The following AHI1 variants were observed in gnomAD, a reference collection of about 807,000 sequenced individuals.
AHI1 encodes the protein jouberin.
A neutral mutation model predicts 149.3 loss-of-function variants in AHI1; 123 were observed. That is an observed-to-expected ratio of 0.82 (90% CI 0.71 to 0.96). The LOEUF (loss-of-function observed/expected upper bound fraction) is 0.96, where lower values mean the gene tolerates loss of function less well. Among genes scored for constraint, AHI1 ranks in the 40% least tolerant of loss-of-function variants. The pLI, the probability that AHI1 is intolerant of heterozygous loss-of-function variation, is 0.00. For missense variants in AHI1, 1,439 were observed against 1,422.7 expected (o/e 1.01, Z -0.18); for synonymous variants, 475 against 459.8 (o/e 1.03, Z -0.42).
chr6:135,336,424 C>T (rs1452492266), intron 24 of AHI1, among the ~76,000 whole-genome samples: 2 of 151,916 alleles, frequency 1.3e-5, no homozygotes, highest in Admixed American at 6.6e-5. Flanking sequence ...ATGGTGAAAC[C>T]CTGTCTCTAC....
intron 5 of AHI1, among the ~76,000 whole-genome samples, chr6:135,476,580 T>A (rs1792685081): frequency 6.6e-6 from 1 of 152,190 alleles, no homozygotes. Context: ...GATACTAACA[T>A]ATCTAACTGT....
At chr6:135,401,728 T>C (rs1780051862) in intron 22 of AHI1, among the ~76,000 whole-genome samples, 1 of 152,088 alleles carries the variant, frequency 6.6e-6, no homozygotes, top group Non-Finnish European at 1.5e-5. Context: ...TTTAAAACTA[T>C]AAAAATCTTA....
intron 24 of AHI1, among the ~76,000 whole-genome samples, chr6:135,337,878 G>A (rs1789642435): frequency 1.3e-5 from 2 of 152,124 alleles, no homozygotes; most frequent in Admixed American, 1.3e-4. Flanking sequence ...AAATACCGAG[G>A]CTTATCTAAT....
chr6:135,456,507 T>C (rs902606107), intron 9 of AHI1, among the ~76,000 whole-genome samples: 1 of 148,542 alleles, frequency 6.7e-6, no homozygotes, highest in African/African-American at 2.5e-5. Context: ...ATTGCACCAC[T>C]GCACTCCAGC....
intron 16 of AHI1, among the ~76,000 whole-genome samples, chr6:135,431,581 T>A (rs1468896204): frequency 6.6e-6 from 1 of 152,146 alleles, no homozygotes; most frequent in Non-Finnish European, 1.5e-5. Context: ...TAAAAAGAAA[T>A]GAGCCTCTCA....
intron 5 of AHI1, among the ~76,000 whole-genome samples, chr6:135,478,287 T>C (rs943236488): frequency 7.2e-5 from 11 of 152,270 alleles, no homozygotes; most frequent in East Asian, 3.9e-4. Context: ...TAGAGACTTG[T>C]TGAATGGTTA....
chr6:135,287,564 G>C (rs2128337657), intron 28 of AHI1, among the ~76,000 whole-genome samples: 1 of 152,308 alleles, frequency 6.6e-6, no homozygotes, highest in South Asian at 2.1e-4. Flanking sequence ...TGCTGAAAGA[G>C]GGAGGAGAAG....
intron 23 of AHI1, among the ~76,000 whole-genome samples, chr6:135,363,312 C>T (rs1311350573): frequency 2.0e-5 from 3 of 151,538 alleles, no homozygotes; most frequent in Middle Eastern, 3.4e-3. Flanking sequence ...CGCCCTTAAT[C>T]CATTCAACCC....
intron 23 of AHI1, among the ~76,000 whole-genome samples, chr6:135,370,306 C>G (rs1030165396): frequency 6.6e-6 from 1 of 152,156 alleles, no homozygotes; most frequent in Non-Finnish European, 1.5e-5. Context: ...GTTATTCCTT[C>G]TAGGGGGACT....
intron 15 of AHI1, 65 bp from the exon 16 acceptor site, chr6:135,433,321 T>G: frequency 8.0e-7 from 1 of 1,251,844 alleles, no homozygotes; most frequent in South Asian, 1.4e-5. Flanking sequence ...ACAGTTTTTC[T>G]AAGAACCAAC....
chr6:135,362,324 A>G (rs953231813), intron 23 of AHI1, among the ~76,000 whole-genome samples: 1 of 152,078 alleles, frequency 6.6e-6, no homozygotes, highest in Non-Finnish European at 1.5e-5. Flanking sequence ...GGATTGCTGG[A>G]GCAAAAGCGC....
chr6:135,317,938 C>T (rs765981123), intron 26 of AHI1, among the ~76,000 whole-genome samples: 7 of 152,174 alleles, frequency 4.6e-5, no homozygotes, highest in Non-Finnish European at 8.8e-5. Flanking sequence ...TAGTACAGTG[C>T]TTATTAAACC....
At chr6:135,478,085 G>T (rs1434570416) in intron 5 of AHI1, among the ~76,000 whole-genome samples, 1 of 152,194 alleles carries the variant, frequency 6.6e-6, no homozygotes, top group Non-Finnish European at 1.5e-5. Context: ...ACAGGCATGA[G>T]CCACAGCGCC....
intron 21 of AHI1, 107 bp downstream of exon 21, chr6:135,411,241 T>A: frequency 1.8e-6 from 2 of 1,085,834 alleles, no homozygotes; most frequent in Non-Finnish European, 2.6e-6. Context: ...TAGGAAGGTC[T>A]AATTTTAAGT....
intron 6 of AHI1, 132 bp from the exon 7 acceptor site, chr6:135,466,505 G>T: frequency 1.2e-6 from 1 of 822,948 alleles, no homozygotes; most frequent in Non-Finnish European, 1.9e-6. Flanking sequence ...TGGACATAGT[G>T]ACACTATTTT....
intron 3 of AHI1, among the ~76,000 whole-genome samples, chr6:135,493,440 C>T (rs948808960): frequency 2.0e-5 from 3 of 152,182 alleles, no homozygotes; most frequent in Non-Finnish European, 4.4e-5. Flanking sequence ...GCAACAACTA[C>T]GTGGCACCCA....
In AHI1 at chr6:135,468,564, C is replaced by T. The variant is rs570637992; in HGVS notation, c.136-930G>A. Reference sequence around the variant, plus strand: ...ATCAAAAATACAAAAATTAGCCAGGCGTGACGGTGCACACCTGTAATCTCA... The same window carrying T: ...ATCAAAAATACAAAAATTAGCCAGGTGTGACGGTGCACACCTGTAATCTCA... On this transcript the variant is annotated intron_variant, in intron 5 of 28. Transcript: ENST00000265602. 2.0e-3 allele frequency among the ~76,000 whole-genome samples: 305 copies of T among 152,066 alleles called. 1 individual carries two copies. The highest frequency in any genetic ancestry group is 7.1e-3 in the African/African-American group (293 of 41,506).
intron 28 of AHI1, among the ~76,000 whole-genome samples, chr6:135,286,882 G>C (rs1032788822): frequency 6.6e-6 from 1 of 151,762 alleles, no homozygotes; most frequent in East Asian, 1.9e-4. Flanking sequence ...ATACCACTAG[G>C]GGCAAAAAAA....
chr6:135,424,724 A>G (rs887785259), intron 20 of AHI1, among the ~76,000 whole-genome samples: 1 of 152,002 alleles, frequency 6.6e-6, no homozygotes, highest in Admixed American at 6.6e-5. Flanking sequence ...AAGATGGATG[A>G]TACATTTAGT....
Sources: allele counts gnomAD v4.1 joint callset (sites outside exome capture counted in the v4.1 genomes callset), GRCh38; gene constraint gnomAD v4.1.1; transcripts MANE v1.5; gene names NCBI Gene and HGNC (gene_info 2026-07-23, HGNC 2026-07-21).